Variants in ENTPD1 observed in about 807,000 individuals in gnomAD.
The protein encoded by ENTPD1 is ATP diphosphohydrolase.
Under a neutral mutation model 57.0 loss-of-function variants are expected in ENTPD1, and 33 were observed. That is an observed-to-expected ratio of 0.58 (90% CI 0.44 to 0.77). The LOEUF is 0.77. Among genes scored for constraint, ENTPD1 ranks in the 30% least tolerant of loss-of-function variants. ENTPD1 has a pLI of 0.00. For missense variants in ENTPD1, 501 were observed against 603.4 expected (o/e 0.83, Z 1.78); for synonymous variants, 202 against 218.8 (o/e 0.92, Z 0.68).
chr10:95,866,374 T>C lies in ENTPD1; in HGVS notation c.1524T>C (p.Asp508=). 1 of 1,614,120 alleles carries C rather than the reference T, an allele frequency of 6.2e-7. No individual in the cohort carries two copies. Among genetic ancestry groups the C allele is most frequent in the Non-Finnish European group, 8.5e-7 (1 of 1,180,018 alleles). Reference sequence around the variant, plus strand: ...ACAAGCCTTCATATTTCTGGAAAGATATGGTATAGCAAAAGCAGCTGAAAT... The same window carrying C: ...ACAAGCCTTCATATTTCTGGAAAGACATGGTATAGCAAAAGCAGCTGAAAT... ...IFHKPSYFWK[D]MV is the part of the protein sequence containing the mutation. The change falls in exon 10 of 10, where the codon GAT becomes GAC. Residue 508 remains aspartate, a synonymous_variant. Coordinates refer to ENST00000371205, the MANE Select transcript of ENTPD1 (RefSeq NM_001776.6).
chr10:95,707,806 T>C (rs1384830331), upstream of ENTPD1, among the ~76,000 whole-genome samples: 1 of 152,206 alleles, frequency 6.6e-6, no homozygotes, highest in Non-Finnish European at 1.5e-5. Context: ...AGTTTCACCA[T>C]GCTAGCCAGG....
chr10:95,843,091 T>TA (rs909512815), intron 4 of ENTPD1: 8 of 152,170 alleles, frequency 5.3e-5, no homozygotes, highest in Non-Finnish European at 7.3e-5. Context: ...CAGGAAGACT[T>TA]AGAGGAAGGG....
At chr10:95,778,806 T>A (rs2140164431) in intron 1 of ENTPD1, among the ~76,000 whole-genome samples, 1 of 152,352 alleles carries the variant, frequency 6.6e-6, no homozygotes, top group African/African-American at 2.4e-5. Flanking sequence ...ACTGTGTTTT[T>A]AACTTTTCAT....
chr10:95,769,485 T>C (rs2098106309), intron 1 of ENTPD1, among the ~76,000 whole-genome samples: 1 of 151,710 alleles, frequency 6.6e-6, no homozygotes, highest in Non-Finnish European at 1.5e-5. Context: ...AGCAAGGAGG[T>C]GAGAGCTGAG....
chr10:95,824,266 A>C (rs10882671), intron 2 of ENTPD1, among the ~76,000 whole-genome samples: 40,921 of 152,210 alleles, frequency 0.27, 6,343 homozygotes, highest in Admixed American at 0.38. Flanking sequence ...TATATCTAGA[A>C]GTTAACTTGA....
upstream of ENTPD1, chr10:95,755,598 A>G: frequency 8.5e-7 from 1 of 1,180,318 alleles, no homozygotes; most frequent in Non-Finnish European, 1.2e-6. Context: ...GGTTCCACCC[A>G]GCCTTCCAAC....
At chr10:95,825,271 T>G (rs1385343161) in intron 2 of ENTPD1, among the ~76,000 whole-genome samples, 3 of 152,226 alleles carry the variant, frequency 2.0e-5, no homozygotes, top group Non-Finnish European at 4.4e-5. Flanking sequence ...CATTGCCACT[T>G]TAAAGCATAC....
chr10:95,823,503 A>C (rs2098361813), intron 2 of ENTPD1, 139 bp downstream of exon 2: 1 of 1,295,816 alleles, frequency 7.7e-7, no homozygotes, highest in Non-Finnish European at 1.1e-6. Context: ...TTTCCACTGG[A>C]TTAGGGGAGT....
chr10:95,863,086 T>C (rs1393170342), intron 8 of ENTPD1, among the ~76,000 whole-genome samples: 1 of 152,214 alleles, frequency 6.6e-6, no homozygotes, highest in Non-Finnish European at 1.5e-5. Context: ...TGATCAATTC[T>C]GGATTGATGA....
intron 1 of ENTPD1, among the ~76,000 whole-genome samples, chr10:95,812,993 T>G (rs981536119): frequency 5.3e-5 from 8 of 152,274 alleles, no homozygotes; most frequent in African/African-American, 1.9e-4. Flanking sequence ...TTAATGATTT[T>G]AAAATGACGC....
rs2098418643 is a variant in ENTPD1, at chr10:95,839,765, T to C, written c.219T>C (p.Asn73=). ...YIYKWPAEKE[N]DTGVVHQVEE... is the part of the protein sequence containing the mutation. ...ATAAGTGGCCAGCAGAAAAGGAGAA[T>C]GACACAGGCGTGGTGCATCAAGTAG... The change falls in exon 3 of 10, where the codon AAT becomes AAC. Residue 73 remains asparagine (N), a synonymous_variant. Transcript: ENST00000371205. 2.5e-6 allele frequency: 4 copies of C among 1,613,994 alleles called. No individual in the cohort carries two copies. The highest frequency in any genetic ancestry group is 3.4e-6 in the Non-Finnish European group (4 of 1,180,004).
At chr10:95,851,191 TAAAAACACATTTGTTTACATA>T in intron 7 of ENTPD1, among the ~76,000 whole-genome samples, 1 of 152,142 alleles carries the variant, frequency 6.6e-6, no homozygotes, top group East Asian at 1.9e-4. Flanking sequence ...TAAAGAACAT[TAAAAACACATTTGTTTACATA>T]TGTATACATA....
chr10:95,864,670 C>T (rs1365947381), intron 8 of ENTPD1, 54 bp from the exon 9 acceptor site: 5 of 1,611,002 alleles, frequency 3.1e-6, no homozygotes, highest in Non-Finnish European at 4.2e-6. Flanking sequence ...AAAAAGAGGG[C>T]CACAGAGAGG....
chr10:95,711,513 T>A (rs1367801687), upstream of ENTPD1, among the ~76,000 whole-genome samples: 1 of 152,240 alleles, frequency 6.6e-6, no homozygotes, highest in Non-Finnish European at 1.5e-5. Context: ...TATTTTCACT[T>A]TTTTTAGGGA....
chr10:95,778,813 T>G (rs766769961), intron 1 of ENTPD1, among the ~76,000 whole-genome samples: 10 of 152,214 alleles, frequency 6.6e-5, no homozygotes, highest in Non-Finnish European at 1.5e-4. Context: ...TTTTAACTTT[T>G]CATTTATGTC....
In ENTPD1 at chr10:95,873,719, T is replaced by C; in HGVS notation, c.*7336T>C. 1.0e-6 allele frequency: 1 copy of C among 980,074 alleles called. No individual in the cohort carries two copies. The highest frequency in any genetic ancestry group is 1.2e-6 in the Non-Finnish European group (1 of 825,034). The allele number at this position is 980,074 out of a possible 1,614,324, so 60.7% of individuals were successfully genotyped here. On this transcript the variant is annotated 3_prime_UTR_variant, in exon 10 of 10. Coordinates refer to ENST00000371205, the MANE Select transcript of ENTPD1 (RefSeq NM_001776.6). ...CTATGATTGTATTAGTTCGTTTCCATGCTGCTGATAAAGACATATCTGAGA... is the reference window on the plus strand; with the variant it reads ...CTATGATTGTATTAGTTCGTTTCCACGCTGCTGATAAAGACATATCTGAGA...
At chr10:95,760,811 A>ATTT (rs1399145317) in intron 1 of ENTPD1, among the ~76,000 whole-genome samples, 6 of 48,404 alleles carry the variant, frequency 1.2e-4, no homozygotes, top group South Asian at 7.3e-4. Context: ...CATAGAGTTT[A>ATTT]TTCTTTTTTT....
intron 1 of ENTPD1, among the ~76,000 whole-genome samples, chr10:95,764,877 C>G (rs1185675896): frequency 6.6e-6 from 1 of 152,006 alleles, no homozygotes; most frequent in South Asian, 2.1e-4. Context: ...CATGTGCCAC[C>G]ACACCCGGCT....
chr10:95,707,598 G>A (rs968346305), upstream of ENTPD1, among the ~76,000 whole-genome samples: 5 of 152,064 alleles, frequency 3.3e-5, no homozygotes, highest in African/African-American at 1.2e-4. Flanking sequence ...TTTTTTTGTT[G>A]TTTGTTTGTT....
Sources: allele counts gnomAD v4.1 joint callset (sites outside exome capture counted in the v4.1 genomes callset), GRCh38; gene constraint gnomAD v4.1.1; transcripts MANE v1.5; gene names NCBI Gene and HGNC (gene_info 2026-07-23, HGNC 2026-07-21).